DISC1: variants seen among roughly 807,000 people sequenced by gnomAD.
DISC1 encodes disrupted in schizophrenia 1 protein.
A neutral mutation model predicts 84.5 loss-of-function variants in DISC1; 57 were observed. The observed-to-expected ratio is 0.67, with a 90% CI of 0.55 to 0.84. The LOEUF (loss-of-function observed/expected upper bound fraction) is 0.84, where lower values mean the gene tolerates loss of function less well. DISC1 is among the 40% of genes least tolerant of loss of function. DISC1 has a pLI of 0.00. For missense variants in DISC1, 1,000 were observed against 1,057.8 expected (o/e 0.95, Z 0.76); for synonymous variants, 411 against 415.2 (o/e 0.99, Z 0.12).
chr1:231,689,325 G>A (rs1415865643), intron 1 of DISC1, among the ~76,000 whole-genome samples: 1 of 151,660 alleles, frequency 6.6e-6, no homozygotes, highest in African/African-American at 2.4e-5. Context: ...AAGCCCACGT[G>A]TCTTTTTTTT....
intron 9 of DISC1, among the ~76,000 whole-genome samples, chr1:231,938,075 G>C (rs988096744): frequency 6.6e-6 from 1 of 152,042 alleles, no homozygotes; most frequent in Non-Finnish European, 1.5e-5. Context: ...TCTGTCCCCA[G>C]CTGGGTTTTC....
At chr1:232,027,793 C>CTGTG (rs35448234) in intron 12 of DISC1, among the ~76,000 whole-genome samples, 3,038 of 143,398 alleles carry the variant, frequency 0.021, 56 homozygotes, top group African/African-American at 0.054. Context: ...ACTTTATGGG[C>CTGTG]TGTGTGTGTG....
chr1:231,866,791 T>C (rs2085094395), intron 9 of DISC1: 1 of 1,125,942 alleles, frequency 8.9e-7, no homozygotes, highest in Admixed American at 3.7e-5. Context: ...AATTAATCTG[T>C]AATTAAAGTC....
intron 1 of DISC1, among the ~76,000 whole-genome samples, chr1:231,636,319 C>A (rs564986651): frequency 6.6e-6 from 1 of 152,288 alleles, no homozygotes; most frequent in Admixed American, 6.5e-5. Flanking sequence ...GGGAGACCTG[C>A]AGCTGTTTGT....
At chr1:231,705,291 CAAAAAAAAA>C (rs35677987) in intron 3 of DISC1, among the ~76,000 whole-genome samples, 1 of 11,064 alleles carries the variant, frequency 9.0e-5, no homozygotes, top group South Asian at 5.5e-3. Context: ...GACTCCATCT[CAAAAAAAAA>C]AAAAAAAAAA....
intron 10 of DISC1, among the ~76,000 whole-genome samples, chr1:231,971,791 G>T (rs1661994292): frequency 6.6e-6 from 1 of 152,134 alleles, no homozygotes; most frequent in African/African-American, 2.4e-5. Context: ...TGATCGTATT[G>T]TATGCTAAGC....
chr1:231,895,683 C>T (rs940241058), intron 9 of DISC1, among the ~76,000 whole-genome samples: 4 of 151,450 alleles, frequency 2.6e-5, no homozygotes, highest in African/African-American at 7.3e-5. Context: ...ATGGAATTAA[C>T]TGTAATTTTG....
At chr1:231,874,677 C>T (rs541658552) in intron 9 of DISC1, among the ~76,000 whole-genome samples, 66 of 151,276 alleles carry the variant, frequency 4.4e-4, no homozygotes, top group African/African-American at 1.5e-3. Context: ...TTTGGGAGGC[C>T]GAGGTGGGCG....
At position 231,989,514 on chromosome 1, in the gene DISC1, C is replaced by A. The variant is rs1664902496; in HGVS notation, c.2043-19271C>A. On this transcript the variant is annotated intron_variant, in intron 10 of 12. Transcript: ENST00000439617. Reference sequence around the variant, plus strand: ...GATGATTAAAATAAATGCTTCATGTCAAAATACAGGTACAGAATGCTATTT... The same window carrying A: ...GATGATTAAAATAAATGCTTCATGTAAAAATACAGGTACAGAATGCTATTT... 2.6e-5 allele frequency among the ~76,000 whole-genome samples: 4 copies of A among 152,276 alleles called. No individual in the cohort carries two copies. The South Asian group carries it at 8.3e-4, about 32-fold the overall frequency.
intron 7 of DISC1, among the ~76,000 whole-genome samples, chr1:231,796,207 A>G (rs894915209): frequency 1.3e-5 from 2 of 152,180 alleles, no homozygotes; most frequent in Admixed American, 6.5e-5. Context: ...ATATGTATTT[A>G]TACCTGGCCA....
chr1:231,871,547 GCTTTTATTC>G (rs1443263126), intron 9 of DISC1, among the ~76,000 whole-genome samples: 1 of 152,192 alleles, frequency 6.6e-6, no homozygotes, highest in Non-Finnish European at 1.5e-5. Flanking sequence ...GTAGCTGGTG[GCTTTTATTC>G]CTGAAGTTCA....
At chr1:231,646,591 G>A (rs995297122) in intron 1 of DISC1, among the ~76,000 whole-genome samples, 14 of 152,070 alleles carry the variant, frequency 9.2e-5, no homozygotes, top group Non-Finnish European at 1.5e-4. Context: ...GGGATCACTG[G>A]GCCAAATGGT....
chr1:231,825,570 A>G (rs1321746128), intron 9 of DISC1, among the ~76,000 whole-genome samples: 3 of 152,126 alleles, frequency 2.0e-5, no homozygotes, highest in African/African-American at 7.2e-5. Flanking sequence ...CCTGTTTGCC[A>G]TGTTTTGGGT....
intron 8 of DISC1, among the ~76,000 whole-genome samples, chr1:231,800,985 G>T (rs968877259): frequency 6.6e-6 from 1 of 151,838 alleles, no homozygotes; most frequent in Non-Finnish European, 1.5e-5. Context: ...AGTTTTATAG[G>T]TTGAATGGAC....
chr1:231,845,257 C>T (rs2083371838), intron 9 of DISC1, among the ~76,000 whole-genome samples: 1 of 152,166 alleles, frequency 6.6e-6, no homozygotes, highest in Non-Finnish European at 1.5e-5. Flanking sequence ...TTTTGGTTTA[C>T]AAAGAGAAAG....
chr1:232,035,445 C>A (rs934116453), intron 12 of DISC1, among the ~76,000 whole-genome samples: 1 of 151,690 alleles, frequency 6.6e-6, no homozygotes, highest in African/African-American at 2.4e-5. Context: ...AACTCTGTCT[C>A]AAAAAAAGAA....
At chr1:231,927,053 G>T (rs1490888457) in intron 9 of DISC1, among the ~76,000 whole-genome samples, 2 of 152,202 alleles carry the variant, frequency 1.3e-5, no homozygotes, top group Non-Finnish European at 2.9e-5. Context: ...GTGCTTTTCT[G>T]TAACCCACTC....
At chr1:231,994,140 T>C (rs991527767) in intron 10 of DISC1, among the ~76,000 whole-genome samples, 10 of 152,226 alleles carry the variant, frequency 6.6e-5, no homozygotes, top group Non-Finnish European at 7.3e-5. Flanking sequence ...TGGTGAGTCA[T>C]AAATTTGGGA....
chr1:231,927,453 C>T (rs1016990610), intron 9 of DISC1, among the ~76,000 whole-genome samples: 1 of 152,170 alleles, frequency 6.6e-6, no homozygotes, highest in African/African-American at 2.4e-5. Context: ...CAAATTCTGC[C>T]TTGGTAATGT....
Sources: allele counts gnomAD v4.1 joint callset (sites outside exome capture counted in the v4.1 genomes callset), GRCh38; gene constraint gnomAD v4.1.1; transcripts MANE v1.5; gene names NCBI Gene and HGNC (gene_info 2026-07-23, HGNC 2026-07-21).